Variants in NEBL observed in about 807,000 individuals in gnomAD.
NEBL encodes nebulette.
A neutral mutation model predicts 140.2 loss-of-function variants in NEBL; 122 were observed. The ratio of observed to expected loss-of-function variants is 0.87; its 90% confidence interval spans 0.75 to 1.01. NEBL has a LOEUF of 1.01. Among genes scored for constraint, NEBL ranks in the 50% least tolerant of loss-of-function variants. NEBL has a pLI of 0.00. For missense variants in NEBL, 1,365 were observed against 1,231.3 expected (o/e 1.11, Z -1.62); for synonymous variants, 436 against 398.9 (o/e 1.09, Z -1.11).
At chr10:20,929,548 T>C (rs1787564610) in intron 4 of NEBL, among the ~76,000 whole-genome samples, 1 of 152,138 alleles carries the variant, frequency 6.6e-6, no homozygotes, top group Admixed American at 6.5e-5. Context: ...TGTATACATA[T>C]ACACATACAC....
chr10:20,815,957 T>G, intron 21 of NEBL: 33 of 465,652 alleles, frequency 7.1e-5, no homozygotes, highest in South Asian at 1.1e-4. Flanking sequence ...TTGTAGAGAT[T>G]GAGTTTTGCC....
At chr10:20,850,527 T>G (rs375413744) in intron 10 of NEBL, 25 bp from the exon 11 acceptor site, 3 of 1,472,112 alleles carry the variant, frequency 2.0e-6, no homozygotes, top group South Asian at 2.3e-5. Flanking sequence ...GAAAAGCATA[T>G]ACAAATCGAA....
intron 14 of NEBL, among the ~76,000 whole-genome samples, chr10:20,835,184 A>C (rs1480415988): frequency 6.6e-5 from 10 of 152,220 alleles, no homozygotes; most frequent in Admixed American, 6.5e-4. Flanking sequence ...TGATCCATTA[A>C]AAAATACCAT....
intron 4 of NEBL, among the ~76,000 whole-genome samples, chr10:20,959,566 A>G (rs1483298715): frequency 6.6e-6 from 1 of 152,178 alleles, no homozygotes; most frequent in African/African-American, 2.4e-5. Flanking sequence ...GGTAAGGGAA[A>G]AAGTTCATGA....
rs534177947 is a variant in NEBL, at chr10:20,789,020, C to T, written c.2762-1712G>A. ...TGGTAACAATAATTATTACTGTCCA[C>T]TATGTTCAAGGCATGCCAGGAAGAA... On this transcript the variant is annotated intron_variant, in intron 26 of 27. Transcript: ENST00000377122. Among the ~76,000 whole-genome samples the T allele has an allele frequency of 2.5e-3, 384 of 152,286 alleles. 3 individuals are homozygous for T. The highest frequency in any genetic ancestry group is 8.6e-3 in the African/African-American group (359 of 41,570).
intron 3 of NEBL, among the ~76,000 whole-genome samples, chr10:20,982,866 G>A (rs1837108977): frequency 6.6e-6 from 1 of 152,136 alleles, no homozygotes; most frequent in South Asian, 2.1e-4. Context: ...TCTTAAGAAT[G>A]CCAAGTTTTA....
intron 11 of NEBL, 194 bp from the exon 12 acceptor site, chr10:20,845,562 T>C (rs1218743559): frequency 1.5e-5 from 8 of 535,102 alleles, no homozygotes; most frequent in Non-Finnish European, 2.3e-5. Context: ...AGGAGAATTA[T>C]TAAGTGGACT....
At chr10:21,222,667 A>G (rs1205824759) in intron 3 of NEBL, among the ~76,000 whole-genome samples, 2 of 152,240 alleles carry the variant, frequency 1.3e-5, no homozygotes, top group African/African-American at 2.4e-5. Flanking sequence ...ATACAGGCAT[A>G]CAATGTGTAA....
intron 3 of NEBL, among the ~76,000 whole-genome samples, chr10:20,985,412 A>G (rs1298106252): frequency 6.6e-6 from 1 of 152,230 alleles, no homozygotes; most frequent in African/African-American, 2.4e-5. Context: ...TGTTCAAAAA[A>G]TATTTTTTAG....
intron 3 of NEBL, among the ~76,000 whole-genome samples, chr10:21,240,883 A>G (rs1227576555): frequency 1.3e-5 from 2 of 148,812 alleles, no homozygotes; most frequent in Non-Finnish European, 3.0e-5. Context: ...TTTTCAGAAC[A>G]GAACAGGGCA....
intron 2 of NEBL, among the ~76,000 whole-genome samples, chr10:21,153,891 CCT>C (rs1039958992): frequency 2.1e-3 from 315 of 152,156 alleles, no homozygotes; most frequent in African/African-American, 7.2e-3. Context: ...AGATGTAGGA[CCT>C]CGTTATATTT....
chr10:21,286,775 G>A (rs1055276268), intron 1 of NEBL, among the ~76,000 whole-genome samples: 1 of 152,062 alleles, frequency 6.6e-6, no homozygotes, highest in Non-Finnish European at 1.5e-5. Context: ...GGAGGCGGAG[G>A]TTGCAGTGAG....
intron 4 of NEBL, among the ~76,000 whole-genome samples, chr10:20,915,252 T>C (rs1848497442): frequency 6.6e-6 from 1 of 152,114 alleles, no homozygotes; most frequent in Non-Finnish European, 1.5e-5. Flanking sequence ...TTTGAAATTT[T>C]TTTTATATTA....
chr10:20,808,019 T>C (rs1466562032), intron 26 of NEBL, among the ~76,000 whole-genome samples: 2 of 151,798 alleles, frequency 1.3e-5, no homozygotes, highest in Non-Finnish European at 2.9e-5. Context: ...CCAAGTATTA[T>C]GCCCAATTTC....
At chr10:21,131,258 A>G (rs1839092729) in intron 2 of NEBL, among the ~76,000 whole-genome samples, 1 of 152,206 alleles carries the variant, frequency 6.6e-6, no homozygotes, top group Non-Finnish European at 1.5e-5. Flanking sequence ...ACAATCTTTG[A>G]AAACAGAAAG....
chr10:20,817,638 G>T lies in NEBL; in HGVS notation c.2110C>A (p.Leu704Met), dbSNP rs751282061. ...TTCTGGTTTTCTTTTGCCCTCTTCA[G>T]CTCTGGTGGATCAGAAATTGCAGTT... ...RGTAISDPPELKRAKENQKNI... is the reference protein window; with the variant it reads ...RGTAISDPPEMKRAKENQKNI... Residue 704 changes from leucine to methionine, a missense_variant, in exon 21 of 28, where the codon CTG (leucine) becomes ATG (methionine). Transcript: ENST00000377122. 7 of 1,613,966 alleles carry T rather than the reference G, an allele frequency of 4.3e-6. No homozygotes were observed. The Admixed American group carries it at 8.3e-5, about 19-fold the overall frequency.
At chr10:20,834,790 T>C (rs1292084780) in intron 14 of NEBL, among the ~76,000 whole-genome samples, 1 of 152,272 alleles carries the variant, frequency 6.6e-6, no homozygotes, top group Non-Finnish European at 1.5e-5. Flanking sequence ...TTTTATATTC[T>C]CAGATTTTCT....
intron 2 of NEBL, among the ~76,000 whole-genome samples, chr10:21,056,143 C>T (rs1279392825): frequency 6.6e-6 from 1 of 152,202 alleles, no homozygotes; most frequent in African/African-American, 2.4e-5. Flanking sequence ...GGATGATTAT[C>T]TGCTTTTAAC....
chr10:21,260,145 A>T (rs943342290), intron 1 of NEBL, among the ~76,000 whole-genome samples: 1 of 152,232 alleles, frequency 6.6e-6, no homozygotes, highest in Non-Finnish European at 1.5e-5. Flanking sequence ...GCTGAAACTG[A>T]AGCATTCCTT....
Sources: gnomAD v4.1 joint callset for allele counts (sites outside exome capture counted in the v4.1 genomes callset) on GRCh38, gnomAD v4.1.1 for gene constraint, MANE v1.5 for transcripts, NCBI Gene and HGNC (gene_info 2026-07-23, HGNC 2026-07-21) for gene names.